The following RGPD3 variants were observed in gnomAD, a reference collection of about 807,000 sequenced individuals.
RGPD3 encodes RANBP2 like and GRIP domain containing 3.
A neutral mutation model predicts 154.5 loss-of-function variants in RGPD3; 62 were observed. The observed-to-expected ratio is 0.40, with a 90% CI of 0.33 to 0.50. The LOEUF (loss-of-function observed/expected upper bound fraction) is 0.50, where lower values mean the gene tolerates loss of function less well. Ranked by LOEUF, RGPD3 falls within the 20% of genes least tolerant of loss-of-function variation. The pLI is 0.59. For synonymous variants in RGPD3, 308 were observed against 607.0 expected (o/e 0.51, Z 7.24); for missense variants, 919 against 1,716.8 (o/e 0.54, Z 8.21).
upstream of RGPD3, among the ~76,000 whole-genome samples, chr2:106,468,800 C>T (rs1479845838): frequency 1.2e-5 from 1 of 80,710 alleles, no homozygotes; most frequent in Admixed American, 1.8e-4. Flanking sequence ...GGCAAGACTC[C>T]ATCTCAAAAA....
At chr2:106,409,936 C>A (rs955296399) in intron 22 of RGPD3, among the ~76,000 whole-genome samples, 1 of 143,092 alleles carries the variant, frequency 7.0e-6, no homozygotes, top group Non-Finnish European at 1.5e-5. Flanking sequence ...AGTGCAATGG[C>A]ACCATCTCGG....
chr2:106,409,223 C>T (rs576947116), intron 22 of RGPD3, among the ~76,000 whole-genome samples: 1,930 of 152,130 alleles, frequency 0.013, 39 homozygotes, highest in African/African-American at 0.043. Context: ...TCTAGCATCC[C>T]TCATGTATGC....
At chr2:106,416,134 T>C in intron 20 of RGPD3, 145 bp from the exon 21 acceptor site, 1 of 1,349,584 alleles carries the variant, frequency 7.4e-7, no homozygotes, top group Non-Finnish European at 1.0e-6. Flanking sequence ...TCGGCATACC[T>C]CAATCAACAG....
At position 106,409,455 on chromosome 2, in the gene RGPD3, T is replaced by A. The variant is rs907224017; in HGVS notation, c.5266+3629A>T. Reference sequence around the variant, plus strand: ...TAAAGTTTTTGTTTTCCAGAAGAGATCTTGGAAAATATAAAAGGTTGGCAG... The same window carrying A: ...TAAAGTTTTTGTTTTCCAGAAGAGAACTTGGAAAATATAAAAGGTTGGCAG... On this transcript the variant is annotated intron_variant, in intron 22 of 22. Transcript: ENST00000409886. Among the ~76,000 whole-genome samples the A allele has an allele frequency of 2.0e-5, 3 of 152,118 alleles. No homozygotes were observed. In the East Asian group the frequency reaches 5.8e-4, roughly 29 times the overall value.
upstream of RGPD3, among the ~76,000 whole-genome samples, chr2:106,470,165 T>C (rs1346248031): frequency 6.6e-6 from 1 of 152,066 alleles, no homozygotes; most frequent in Non-Finnish European, 1.5e-5. Flanking sequence ...CCAAAAAAGG[T>C]TATTATTGTT....
At chr2:106,416,026 C>T (rs767188947) in intron 20 of RGPD3, 37 bp from the exon 21 acceptor site, 18 of 1,609,664 alleles carry the variant, frequency 1.1e-5, no homozygotes, top group Non-Finnish European at 1.5e-5. Context: ...TTTTCAAAAT[C>T]ATACATTACA....
intron 20 of RGPD3, 87 bp from the exon 21 acceptor site, chr2:106,416,076 C>T: frequency 1.3e-6 from 2 of 1,547,402 alleles, no homozygotes; most frequent in South Asian, 2.5e-5. Context: ...ATATAAATAT[C>T]TTACTATGTG....
chr2:106,408,888 G>A (rs1489508391), intron 22 of RGPD3, among the ~76,000 whole-genome samples: 3 of 151,370 alleles, frequency 2.0e-5, no homozygotes, highest in African/African-American at 7.3e-5. Flanking sequence ...GTCTCGCCAT[G>A]TTGCCCAGGC....
chr2:106,455,194 A>T (rs1282877452), intron 4 of RGPD3, among the ~76,000 whole-genome samples: 47 of 151,522 alleles, frequency 3.1e-4, no homozygotes, highest in African/African-American at 1.1e-3. Flanking sequence ...AAAAAGTGAA[A>T]GGTTAAATTG....
intron 18 of RGPD3, among the ~76,000 whole-genome samples, chr2:106,426,883 G>T (rs1301819804): frequency 6.6e-6 from 1 of 151,954 alleles, no homozygotes; most frequent in Non-Finnish European, 1.5e-5. Flanking sequence ...ACCTAGAAAA[G>T]GCTAGCCAGA....
chr2:106,428,594 A>G (rs1416495979), intron 18 of RGPD3, among the ~76,000 whole-genome samples: 1 of 151,504 alleles, frequency 6.6e-6, no homozygotes, highest in Non-Finnish European at 1.5e-5. Context: ...CTATCACAAA[A>G]GGCTAGTGGG....
Position 106,410,888 on chromosome 2 carries a change from C to A in RGPD3, c.5266+2196G>T, listed in dbSNP as rs899345013. Among the ~76,000 whole-genome samples the A allele has an allele frequency of 5.5e-3, 840 of 152,158 alleles. 12 individuals are homozygous for A. Among genetic ancestry groups the A allele is most frequent in the African/African-American group, 0.019 (768 of 41,512 alleles). On this transcript the variant is annotated intron_variant, in intron 22 of 22. Transcript: ENST00000409886. The stretch of plus-strand genomic sequence containing the variant: ...TACTATTGTGGCTATAGAAACCTAT[C>A]CTATAGTTTGAAGAACTGAGATTAC...
chr2:106,464,607 T>C (rs1215561342), intron 1 of RGPD3, among the ~76,000 whole-genome samples: 2 of 151,706 alleles, frequency 1.3e-5, no homozygotes, highest in East Asian at 3.9e-4. Context: ...AGCTGTCAAG[T>C]AGACTTTGAG....
intron 18 of RGPD3, 103 bp from the exon 19 acceptor site, chr2:106,426,191 A>T: frequency 2.1e-6 from 3 of 1,400,304 alleles, no homozygotes; most frequent in African/African-American, 1.5e-5. Flanking sequence ...GAAATTAAAG[A>T]AAGATTTAAC....
At chr2:106,465,873 C>T (rs1045466969) in intron 1 of RGPD3, among the ~76,000 whole-genome samples, 17 of 151,720 alleles carry the variant, frequency 1.1e-4, no homozygotes, top group African/African-American at 3.6e-4. Context: ...GGGGACTTTC[C>T]GTGTCATTTG....
chr2:106,446,778 A>G (rs1677950043), intron 7 of RGPD3, among the ~76,000 whole-genome samples: 1 of 151,646 alleles, frequency 6.6e-6, no homozygotes, highest in African/African-American at 2.4e-5. Flanking sequence ...GCTACTCGGG[A>G]GGCTGAGGCA....
chr2:106,466,227 G>C lies in RGPD3; in HGVS notation c.72+1990C>G, dbSNP rs192376678. 4.1e-4 allele frequency among the ~76,000 whole-genome samples: 63 copies of C among 152,252 alleles called. 1 individual carries two copies. The East Asian group carries it at 0.011, about 26-fold the overall frequency. ...GCGCCAACGGTCTCCCGCCCGCAGC[G>C]GTCCCCCCAGGACTCTTCCTGCGCT... On this transcript the variant is annotated intron_variant, in intron 1 of 22. Coordinates refer to ENST00000409886, the MANE Select transcript of RGPD3 (RefSeq NM_001144013.2).
intron 9 of RGPD3, among the ~76,000 whole-genome samples, chr2:106,437,680 C>T (rs985004740): frequency 3.3e-5 from 5 of 152,036 alleles, no homozygotes; most frequent in African/African-American, 9.7e-5. Flanking sequence ...CATGAAGACA[C>T]TTTTTGTTGA....
At chr2:106,444,677 G>C (rs1188612291) in intron 7 of RGPD3, among the ~76,000 whole-genome samples, 1 of 146,270 alleles carries the variant, frequency 6.8e-6, no homozygotes, top group Non-Finnish European at 1.5e-5. Flanking sequence ...ATTTAACAAT[G>C]TAGCCAGGCA....
Sources: allele counts gnomAD v4.1 joint callset (sites outside exome capture counted in the v4.1 genomes callset), GRCh38; gene constraint gnomAD v4.1.1; transcripts MANE v1.5; gene names NCBI Gene and HGNC (gene_info 2026-07-23, HGNC 2026-07-21).